ARHGEF1: variants seen among roughly 807,000 people sequenced by gnomAD.
The protein encoded by ARHGEF1 is 115 kDa guanine nucleotide exchange factor.
ARHGEF1 carries 40 observed loss-of-function variants against 119.7 expected under a neutral mutation model. That is an observed-to-expected ratio of 0.33 (90% CI 0.26 to 0.44). ARHGEF1 has a LOEUF of 0.44. Ranked by LOEUF, ARHGEF1 falls within the 20% of genes least tolerant of loss-of-function variation. The pLI, the probability that ARHGEF1 is intolerant of heterozygous loss-of-function variation, is 1.00. For missense variants in ARHGEF1, 976 were observed against 1,268.3 expected (o/e 0.77, Z 3.50); for synonymous variants, 494 against 521.0 (o/e 0.95, Z 0.71).
chr19:41,914,987 ATCTCTGTCTCTCCTG>A (rs2074790892), intron 18 of ARHGEF1, among the ~76,000 whole-genome samples: 1 of 34,700 alleles, frequency 2.9e-5, no homozygotes, highest in Non-Finnish European at 5.0e-5. Context: ...CCCCTCCAGC[ATCTCTGTCTCTCCTG>A]TCTCTGCCCC....
Position 41,903,445 on chromosome 19 carries a change from G to A in ARHGEF1, c.1839+38G>A. The stretch of plus-strand genomic sequence containing the variant: ...TGGCCCCACACCCGGGACAGTGGAT[G>A]GTGTGAGAGCAGGGGGTGGACCCTA... On this transcript the variant is annotated intron_variant, in intron 19 of 28. Coordinates refer to ENST00000354532, the MANE Select transcript of ARHGEF1 (RefSeq NM_004706.4). This position sits in a 1 kb window ranked among gnomAD's most constrained non-coding sequence, Gnocchi z 4.2. 1.3e-6 allele frequency: 2 copies of A among 1,591,536 alleles called. No individual in the cohort carries two copies.
chr19:41,891,938 AG>A, intron 4 of ARHGEF1, 86 bp from the exon 5 acceptor site: 1 of 1,145,256 alleles, frequency 8.7e-7, no homozygotes. Flanking sequence ...TAGGATGGCC[AG>A]GAGGTGAGGA....
chr19:41,912,464 T>C (rs576312885), intron 18 of ARHGEF1, among the ~76,000 whole-genome samples: 3 of 152,308 alleles, frequency 2.0e-5, no homozygotes, highest in African/African-American at 7.2e-5. Flanking sequence ...GTGCCGTCTG[T>C]CTACCTGTCC....
chr19:41,885,284 C>G (rs375042252), intron 1 of ARHGEF1, among the ~76,000 whole-genome samples: 1 of 152,164 alleles, frequency 6.6e-6, no homozygotes, highest in South Asian at 2.1e-4. Flanking sequence ...GTGGAGCAGC[C>G]GTATCCAACT....
Position 41,907,258 on chromosome 19 carries a change from G to A in ARHGEF1, c.*171G>A. ...CCAGCTGGGGTTACTGGCCCCGCAT[G>A]AGCCTCGGCCATCTCTCCCTCCTGC... On this transcript the variant is annotated 3_prime_UTR_variant, in exon 29 of 29. Transcript: ENST00000354532. 1 of 1,525,096 alleles carries A rather than the reference G, an allele frequency of 6.6e-7. No homozygotes were observed. Among genetic ancestry groups the A allele is most frequent in the Non-Finnish European group, 8.8e-7 (1 of 1,140,526 alleles). 94.5% of individuals were successfully genotyped at this position (1,525,096 alleles called of 1,614,324 possible).
Position 41,906,447 on chromosome 19 carries a change from C to G in ARHGEF1, c.2492-10C>G. The G allele has an allele frequency of 6.4e-7, 1 of 1,550,944 alleles. No homozygotes were observed. Among genetic ancestry groups the G allele is most frequent in the Non-Finnish European group, 8.7e-7 (1 of 1,155,044 alleles). On this transcript the variant is annotated splice_polypyrimidine_tract_variant and intron_variant, in intron 26 of 28. Transcript: ENST00000354532. The surrounding 1 kb of genome is among the most constrained non-coding windows in gnomAD (Gnocchi z 4.5). ...GTCTCCTGACTCCACCCCTCCTTGC[C>G]CCTGGCCAGTGCTGTCCCTGAAGCA...
At chr19:41,900,346 A>G (rs1245156591) in intron 14 of ARHGEF1, among the ~76,000 whole-genome samples, 8 of 152,338 alleles carry the variant, frequency 5.3e-5, no homozygotes, top group Admixed American at 5.2e-4. Flanking sequence ...GTCTCAAAAA[A>G]AAAGCACTAA....
chr19:41,895,753 A>G (rs1017567348), intron 12 of ARHGEF1, among the ~76,000 whole-genome samples: 1 of 151,712 alleles, frequency 6.6e-6, no homozygotes, highest in South Asian at 2.1e-4. Flanking sequence ...TTTTCCATCA[A>G]CCCTTCCTTT....
At position 41,897,359 on chromosome 19, in the gene ARHGEF1, T is replaced by C. The variant is rs988294598; in HGVS notation, c.1121+877T>C. The C allele has an allele frequency of 1.1e-5, 13 of 1,230,538 alleles. No homozygotes were observed. In the Middle Eastern group the frequency reaches 2.6e-3, roughly 246 times the overall value. The allele number at this position is 1,230,538 out of a possible 1,614,324, so 76.2% of individuals were successfully genotyped here. ...CCTGGGCCCTGGGTGGGGGAAGGGC[T>C]AGCCCCTCCCCCATTTCTCCCAGCC... is the stretch of plus-strand genomic sequence containing the variant. On this transcript the variant is annotated intron_variant, in intron 13 of 28. Coordinates refer to ENST00000354532, the MANE Select transcript of ARHGEF1 (RefSeq NM_004706.4).
rs79117480 is a variant in ARHGEF1 at position 41,887,679 on chromosome 19, C to T, written c.-19-385C>T. Among the ~76,000 whole-genome samples, 621 of 152,282 alleles carry T rather than the reference C, an allele frequency of 4.1e-3. 4 individuals carry two copies. The highest frequency in any genetic ancestry group is 6.8e-3 in the Admixed American group (104 of 15,302). ...TCTCCCGCCTCTCCTCTAACCCTCC[C>T]ATCCCCTCTTGCCTCTGGGCTGTGC... On this transcript the variant is annotated intron_variant, in intron 1 of 28. Transcript: ENST00000354532.
chr19:41,902,592 G>A lies in ARHGEF1; in HGVS notation c.1557G>A (p.Gln519=). The part of the protein sequence containing the change: ...QKISSRFCSR[Q]SFALEQLKAK... ...TCTCCTCCCGCTTCTGCAGCCGCCAGTCATTTGCCTTAGAGCAGCTCAAAG... is the reference window on the plus strand; with the variant it reads ...TCTCCTCCCGCTTCTGCAGCCGCCAATCATTTGCCTTAGAGCAGCTCAAAG... Residue 519 remains glutamine, a synonymous_variant, in exon 17 of 29, where the codon CAG becomes CAA. Coordinates refer to ENST00000354532, the MANE Select transcript of ARHGEF1 (RefSeq NM_004706.4). The surrounding 1 kb of genome is among the most constrained non-coding windows in gnomAD (Gnocchi z 6.5). 6.2e-7 allele frequency: 1 copy of A among 1,614,220 alleles called. No individual in the cohort carries two copies.
downstream of ARHGEF1, chr19:41,908,683 G>A (rs1047659240): frequency 1.1e-4 from 133 of 1,229,530 alleles, no homozygotes; most frequent in Non-Finnish European, 1.3e-4. This position sits in a 1 kb window ranked among gnomAD's most constrained non-coding sequence, Gnocchi z 6.7. Context: ...GCACCTGGGG[G>A]GCACAGGGGT....
At chr19:41,922,007 C>T (rs1312996998), upstream of ARHGEF1, among the ~76,000 whole-genome samples, 3 of 152,016 alleles carry the variant, frequency 2.0e-5, no homozygotes, top group Non-Finnish European at 4.4e-5. Flanking sequence ...ACCTCCACCC[C>T]CAGCCTCACT....
chr19:41,904,283 C>T lies in ARHGEF1; in HGVS notation c.2061C>T (p.Leu687=). The T allele has an allele frequency of 2.5e-6, 4 of 1,612,568 alleles. No individual in the cohort carries two copies. Among genetic ancestry groups the T allele is most frequent in the Non-Finnish European group, 2.5e-6 (3 of 1,179,772 alleles). Residue 687 remains leucine (L), a synonymous_variant, in exon 22 of 29, where the codon CTC becomes CTT. Transcript: ENST00000354532. The surrounding 1 kb of genome is among the most constrained non-coding windows in gnomAD (Gnocchi z 8.4). ...AGCGCCAGGACGAGCGGCTGCTGCTCAAGTCCCATAGCCGGACACTGACGC... is the reference window on the plus strand; with the variant it reads ...AGCGCCAGGACGAGCGGCTGCTGCTTAAGTCCCATAGCCGGACACTGACGC... ...LLQRQDERLL[L]KSHSRTLTPT... is the part of the protein sequence containing the mutation.
chr19:41,918,243 AACACACCATACAT>A (rs1460492094), upstream of ARHGEF1, among the ~76,000 whole-genome samples: 2 of 150,778 alleles, frequency 1.3e-5, no homozygotes, highest in African/African-American at 4.9e-5. Flanking sequence ...ACACACCACA[AACACACCATACAT>A]ACACACCCCC....
Position 41,902,688 on chromosome 19 carries a change from A to T in ARHGEF1, c.1623+30A>T. 6.2e-7 allele frequency: 1 copy of T among 1,613,656 alleles called. No homozygotes were observed. Among genetic ancestry groups the T allele is most frequent in the Non-Finnish European group, 8.5e-7 (1 of 1,179,742 alleles). On this transcript the variant is annotated intron_variant, in intron 17 of 28. Transcript: ENST00000354532. This position sits in a 1 kb window ranked among gnomAD's most constrained non-coding sequence, Gnocchi z 6.5. The stretch of plus-strand genomic sequence containing the variant: ...GGTGGGGTCTGGACTCCAGCTTCCC[A>T]GGGAGGAGGGGCCTGGAGACCCAGA...
At chr19:41,891,996 C>T (rs782795424) in intron 4 of ARHGEF1, 29 bp from the exon 5 acceptor site, 92 of 1,554,970 alleles carry the variant, frequency 5.9e-5, no homozygotes, top group South Asian at 4.8e-4. Flanking sequence ...GGTGAGGGAG[C>T]GGAGAGTCAT....
Position 41,904,817 on chromosome 19 carries a change from G to T in ARHGEF1, c.2162-132G>T. The T allele has an allele frequency of 1.4e-6, 1 of 722,928 alleles. No individual in the cohort carries two copies. The highest frequency in any genetic ancestry group is 2.4e-6 in the Non-Finnish European group (1 of 412,114). 44.8% of individuals were successfully genotyped at this position (722,928 alleles called of 1,614,324 possible). A position where few individuals can be genotyped will look rare whatever the true frequency, so the allele number is the denominator to read the frequency against. On this transcript the variant is annotated intron_variant, in intron 22 of 28. Transcript: ENST00000354532. The surrounding 1 kb of genome is among the most constrained non-coding windows in gnomAD (Gnocchi z 8.4). ...ATCGGGCCCTGGATATTAGCAGACA[G>T]TGAGTGGTGAGTTGAGCCATGGGAG... is the stretch of plus-strand genomic sequence containing the variant.
In ARHGEF1 at chr19:41,906,509, G is replaced by C. The variant is rs2145871456; in HGVS notation, c.2544G>C (p.Gly848=). The C allele has an allele frequency of 6.3e-7, 1 of 1,583,472 alleles. No homozygotes were observed. The highest frequency in any genetic ancestry group is 8.5e-7 in the Non-Finnish European group (1 of 1,172,038). ...LFPAEEDNGA[G]PPRDGDGVPG... ...CGGCGGAGGAAGACAATGGGGCGGGGCCTCCTCGAGATGGGGATGGGGTCC... is the reference window on the plus strand; with the variant it reads ...CGGCGGAGGAAGACAATGGGGCGGGCCCTCCTCGAGATGGGGATGGGGTCC... The change falls in exon 27 of 29, where the codon GGG becomes GGC. Residue 848 remains glycine (G), a synonymous_variant. Coordinates refer to ENST00000354532, the MANE Select transcript of ARHGEF1 (RefSeq NM_004706.4). This position sits in a 1 kb window ranked among gnomAD's most constrained non-coding sequence, Gnocchi z 4.5.
Sources: allele counts gnomAD v4.1 joint callset (sites outside exome capture counted in the v4.1 genomes callset), GRCh38; gene constraint gnomAD v4.1.1; non-coding constraint Gnocchi (gnomAD v3.1); transcripts MANE v1.5; gene names NCBI Gene and HGNC (gene_info 2026-07-23, HGNC 2026-07-21).